TRIM36: variants seen among roughly 807,000 people sequenced by gnomAD.
The protein encoded by TRIM36 is tripartite motif containing 36, also known as E3 ubiquitin-protein ligase TRIM36.
In TRIM36, 42 loss-of-function variants were observed where a neutral mutation model predicts 72.4. The observed-to-expected ratio is 0.58, with a 90% CI of 0.45 to 0.75. The LOEUF (loss-of-function observed/expected upper bound fraction) is 0.75. TRIM36 is among the 30% of genes least tolerant of loss of function. The pLI, the probability that TRIM36 is intolerant of heterozygous loss-of-function variation, is 0.00. For synonymous variants in TRIM36, 315 were observed against 282.8 expected (o/e 1.11, Z -1.14); for missense variants, 913 against 857.1 (o/e 1.07, Z -0.81).
rs562692479 is a variant in TRIM36, at chr5:115,152,391, A to G, written c.263-4997T>C. Among the ~76,000 whole-genome samples, 18 of 152,280 alleles carry G rather than the reference A, an allele frequency of 1.2e-4. No homozygotes were observed. In the East Asian group the frequency reaches 2.7e-3, roughly 23 times the overall value. The stretch of plus-strand genomic sequence containing the variant: ...GGGATTACGTTAAATGACCCACCCT[A>G]AGAATAATCAGTGTTCCTGAGGAAG... On this transcript the variant is annotated intron_variant, in intron 2 of 9. Transcript: ENST00000513154.
intron 2 of TRIM36, among the ~76,000 whole-genome samples, chr5:115,148,045 A>G (rs1753686489): frequency 6.6e-6 from 1 of 152,238 alleles, no homozygotes; most frequent in African/African-American, 2.4e-5. Context: ...GGAAAAATTC[A>G]GTAGGGAAGA....
Position 115,125,703 on chromosome 5 carries a change from A to T in TRIM36, c.*800T>A, listed in dbSNP as rs1396794745. 2 of 152,142 alleles carry T rather than the reference A, an allele frequency of 1.3e-5. No individual in the cohort carries two copies. The highest frequency in any genetic ancestry group is 2.9e-5 in the Non-Finnish European group (2 of 67,970). The allele number at this position is 152,142 out of a possible 1,614,324, so 9.4% of individuals were successfully genotyped here. A position where few individuals can be genotyped will look rare whatever the true frequency, so the allele number is the denominator to read the frequency against. The stretch of plus-strand genomic sequence containing the variant: ...AAAATAATTCTTTGACATAAGAACA[A>T]ATATTTTCACAGAATAAGAAAAACT... On this transcript the variant is annotated 3_prime_UTR_variant, in exon 10 of 10. Transcript: ENST00000513154.
At position 115,180,033 on chromosome 5, in the gene TRIM36, G is replaced by T. The variant is rs1307102082; in HGVS notation, c.5C>A (p.Ser2Ter). 7 of 1,614,050 alleles carry T rather than the reference G, an allele frequency of 4.3e-6. No individual in the cohort carries two copies. The East Asian group carries it at 1.1e-4, about 26-fold the overall frequency. ...AAATTCACTCATCTCCCCAGACTCC[G>T]ACATGTTTACACCCCTTCACAAACT... is the stretch of plus-strand genomic sequence containing the variant. Residue 2 changes from serine (S) to a stop codon, truncating the protein, a stop_gained, in exon 1 of 10, where the codon TCG becomes TAG. Transcript: ENST00000282369. LOFTEE classifies it high-confidence loss of function.
chr5:115,178,543 G>A (rs958404329), intron 1 of TRIM36, among the ~76,000 whole-genome samples: 1 of 152,256 alleles, frequency 6.6e-6, no homozygotes, highest in East Asian at 1.9e-4. Context: ...AGGGTGGGCC[G>A]CAATATGCAC....
intron 9 of TRIM36, 95 bp downstream of exon 9, chr5:115,130,497 A>G: frequency 7.2e-7 from 1 of 1,392,036 alleles, no homozygotes; most frequent in Non-Finnish European, 9.7e-7. Flanking sequence ...AATCTAAGAA[A>G]TAAGAAATGT....
chr5:115,159,751 G>A (rs1490028738), intron 2 of TRIM36: 8 of 423,862 alleles, frequency 1.9e-5, no homozygotes, highest in East Asian at 7.5e-5. Flanking sequence ...AAGAGAAAGC[G>A]GTAACTGTGT....
chr5:115,143,676 T>A (rs1296772032), intron 4 of TRIM36, among the ~76,000 whole-genome samples: 1 of 152,136 alleles, frequency 6.6e-6, no homozygotes, highest in Non-Finnish European at 1.5e-5. Flanking sequence ...AAAAAATGCA[T>A]ACACATACTG....
chr5:115,130,603 T>C lies in TRIM36; in HGVS notation c.1785A>G (p.Ala595=). The C allele has an allele frequency of 6.2e-7, 1 of 1,613,782 alleles. No homozygotes were observed. Among genetic ancestry groups the C allele is most frequent in the South Asian group, 1.1e-5 (1 of 91,048 alleles). Residue 595 remains alanine, a synonymous_variant, in exon 9 of 10, where the codon GCA becomes GCG. Transcript: ENST00000513154. ...ATACAAAAACCTACCTTGGACTAAC[T>C]GCATCCCGGGGAGAACGGAGCCATT... ...LQEWLRSPRD[A]VSPRYEQDSG... is the part of the protein sequence containing the mutation.
upstream of TRIM36, chr5:115,173,956 C>T (rs1305956306): frequency 2.0e-5 from 3 of 152,152 alleles, no homozygotes; most frequent in African/African-American, 4.8e-5. Flanking sequence ...GGCATGAGCT[C>T]TCTCACATCC....
At chr5:115,174,788 G>C (rs1047480473), upstream of TRIM36, among the ~76,000 whole-genome samples, 1 of 152,050 alleles carries the variant, frequency 6.6e-6, no homozygotes, top group Non-Finnish European at 1.5e-5. Context: ...GACCATTTAA[G>C]CTTTTATTTA....
chr5:115,176,262 T>A (rs1389232215), intron 1 of TRIM36, among the ~76,000 whole-genome samples: 1 of 152,242 alleles, frequency 6.6e-6, no homozygotes, highest in East Asian at 1.9e-4. Context: ...GGTATTTTTG[T>A]TTTGGTCCCA....
intron 1 of TRIM36, among the ~76,000 whole-genome samples, chr5:115,176,129 A>T (rs1445416529): frequency 6.6e-6 from 1 of 152,212 alleles, no homozygotes; most frequent in Admixed American, 6.5e-5. Context: ...GTGTCTCAAA[A>T]AAAAATAAAA....
At chr5:115,157,493 G>A (rs185508784) in intron 2 of TRIM36, among the ~76,000 whole-genome samples, 9 of 152,200 alleles carry the variant, frequency 5.9e-5, no homozygotes, top group South Asian at 2.1e-4. Context: ...GAACCTGGTG[G>A]GCGGAGGTTC....
At chr5:115,160,757 G>A (rs1358146440) in intron 2 of TRIM36, among the ~76,000 whole-genome samples, 1 of 152,104 alleles carries the variant, frequency 6.6e-6, no homozygotes, top group Non-Finnish European at 1.5e-5. Context: ...GAGGCAGGAG[G>A]ATCACTTGAG....
intron 1 of TRIM36, chr5:115,169,018 G>A (rs1261392113): frequency 6.6e-6 from 1 of 152,286 alleles, no homozygotes; most frequent in African/African-American, 2.4e-5. Flanking sequence ...AACTGATTAA[G>A]TGTGATGTGG....
intron 4 of TRIM36, among the ~76,000 whole-genome samples, chr5:115,143,641 G>C (rs1250678423): frequency 2.0e-5 from 3 of 149,420 alleles, no homozygotes; most frequent in Non-Finnish European, 4.4e-5. Flanking sequence ...ACAAAAGTTT[G>C]CATATATGCA....
intron 7 of TRIM36, among the ~76,000 whole-genome samples, chr5:115,135,104 T>A (rs1412521649): frequency 6.6e-6 from 1 of 152,188 alleles, no homozygotes; most frequent in Non-Finnish European, 1.5e-5. Context: ...AGGTTTCTGG[T>A]TTTTCACTAA....
intron 2 of TRIM36, among the ~76,000 whole-genome samples, chr5:115,153,334 T>C (rs1385435204): frequency 7.8e-6 from 1 of 128,196 alleles, no homozygotes; most frequent in East Asian, 2.2e-4. Flanking sequence ...AACAGGAAAA[T>C]ATCACAATCC....
chr5:115,143,556 A>T (rs952473490), intron 4 of TRIM36, among the ~76,000 whole-genome samples: 2 of 152,208 alleles, frequency 1.3e-5, no homozygotes, highest in African/African-American at 4.8e-5. Flanking sequence ...AGTAGGCAAG[A>T]ACAATTATAC....
Sources: allele counts gnomAD v4.1 joint callset (sites outside exome capture counted in the v4.1 genomes callset), GRCh38; gene constraint gnomAD v4.1.1; transcripts MANE v1.5; gene names NCBI Gene and HGNC (gene_info 2026-07-23, HGNC 2026-07-21).